GREM2: variants seen among roughly 807,000 people sequenced by gnomAD.
GREM2 encodes the protein gremlin-2.
In GREM2, 11 loss-of-function variants were observed where a neutral mutation model predicts 14.2. That is an observed-to-expected ratio of 0.78 (90% CI 0.49 to 1.28). The LOEUF (loss-of-function observed/expected upper bound fraction) is 1.28. Ranked by LOEUF, GREM2 falls within the 50% of genes most tolerant of loss-of-function variation. The pLI, the probability that GREM2 is intolerant of heterozygous loss-of-function variation, is 0.00. For missense variants in GREM2, 210 were observed against 218.5 expected (o/e 0.96, Z 0.24); for synonymous variants, 98 against 97.6 (o/e 1.00, Z -0.02).
In GREM2 at chr1:240,537,717, G is replaced by A. The variant is rs187917638; in HGVS notation, c.-1-44241C>T. Among the ~76,000 whole-genome samples, 874 of 152,206 alleles carry A rather than the reference G, an allele frequency of 5.7e-3. 3 individuals carry two copies. The highest frequency in any genetic ancestry group is 9.4e-3 in the Non-Finnish European group (639 of 68,006). On this transcript the variant is annotated intron_variant, in intron 1 of 1. Transcript: ENST00000318160. ...GGAGAATCACTTGAATCCAGGAGGC[G>A]GAGGTTGCAGTGAGCCGAGATGGCG...
At chr1:240,546,302 G>A (rs1386733539) in intron 1 of GREM2, among the ~76,000 whole-genome samples, 2 of 151,458 alleles carry the variant, frequency 1.3e-5, no homozygotes, top group Non-Finnish European at 2.9e-5. Context: ...TCGCGCTACT[G>A]CACTCCAGCC....
intron 1 of GREM2, among the ~76,000 whole-genome samples, chr1:240,551,982 A>G (rs1005810605): frequency 3.3e-5 from 5 of 152,306 alleles, no homozygotes; most frequent in African/African-American, 1.2e-4. Context: ...ATTTTAGTGA[A>G]TAGCCCAGGA....
chr1:240,604,518 T>C (rs1679990303), intron 1 of GREM2, among the ~76,000 whole-genome samples: 1 of 152,186 alleles, frequency 6.6e-6, no homozygotes, highest in Non-Finnish European at 1.5e-5. Context: ...TTTCTATTGG[T>C]GACAAAGCTG....
chr1:240,566,766 C>T (rs1407778456), intron 1 of GREM2, among the ~76,000 whole-genome samples: 3 of 152,092 alleles, frequency 2.0e-5, no homozygotes, highest in Non-Finnish European at 4.4e-5. Flanking sequence ...ATATCCAGTA[C>T]CCAGCAGGGT....
intron 1 of GREM2, chr1:240,530,692 T>C (rs1678336347): frequency 6.6e-6 from 1 of 152,184 alleles, no homozygotes; most frequent in Non-Finnish European, 1.5e-5. Context: ...AGATCAATGG[T>C]CCATAAGGCG....
chr1:240,537,248 G>A (rs542587079), intron 1 of GREM2, among the ~76,000 whole-genome samples: 1 of 152,282 alleles, frequency 6.6e-6, no homozygotes, highest in East Asian at 1.9e-4. Context: ...TGTAAAAGTA[G>A]AGGAAGGAAA....
At chr1:240,495,686 C>T (rs985454512) in intron 1 of GREM2, among the ~76,000 whole-genome samples, 2 of 152,140 alleles carry the variant, frequency 1.3e-5, no homozygotes, top group Admixed American at 6.5e-5. Context: ...CCAGGCATCC[C>T]GGCTCCAGAA....
chr1:240,525,680 T>C (rs1678204968), intron 1 of GREM2, among the ~76,000 whole-genome samples: 1 of 152,118 alleles, frequency 6.6e-6, no homozygotes, highest in Non-Finnish European at 1.5e-5. Flanking sequence ...GGTTTCACCA[T>C]GTTGGCCAGG....
In GREM2 at chr1:240,490,689, C is replaced by T. The variant is rs1204952852; in HGVS notation, c.*2280G>A. On this transcript the variant is annotated 3_prime_UTR_variant, in exon 2 of 2. Transcript: ENST00000318160. Reference sequence around the variant, plus strand: ...ACACTGCAGCATATCATATTGCTTTCATTGCTACACCCACAATTGGGTTCG... The same window carrying T: ...ACACTGCAGCATATCATATTGCTTTTATTGCTACACCCACAATTGGGTTCG... The T allele has an allele frequency of 1.3e-5, 2 of 152,350 alleles. No homozygotes were observed. The highest frequency in any genetic ancestry group is 1.3e-4 in the Admixed American group (2 of 15,278). 9.4% of individuals were successfully genotyped at this position (152,350 alleles called of 1,614,324 possible).
intron 1 of GREM2, among the ~76,000 whole-genome samples, chr1:240,503,585 C>A (rs553744023): frequency 3.3e-5 from 5 of 152,320 alleles, no homozygotes; most frequent in Non-Finnish European, 7.3e-5. Flanking sequence ...CCTGTCCCAT[C>A]AGATAGTATC....
chr1:240,585,043 T>C (rs529590567), intron 1 of GREM2, among the ~76,000 whole-genome samples: 1 of 152,306 alleles, frequency 6.6e-6, no homozygotes, highest in African/African-American at 2.4e-5. Context: ...ATGAAGCTCT[T>C]GGTCCCAGTC....
At chr1:240,578,655 G>A (rs1679419151) in intron 1 of GREM2, among the ~76,000 whole-genome samples, 1 of 151,872 alleles carries the variant, frequency 6.6e-6, no homozygotes, top group African/African-American at 2.4e-5. Flanking sequence ...TGTGTTGGCA[G>A]GCACCTGTAA....
At chr1:240,585,773 A>G (rs1388412797) in intron 1 of GREM2, among the ~76,000 whole-genome samples, 1 of 150,740 alleles carries the variant, frequency 6.6e-6, no homozygotes, top group Non-Finnish European at 1.5e-5. Context: ...GAAAGTTCCA[A>G]CCAGGTGGAG....
At chr1:240,567,273 A>G (rs1030307971) in intron 1 of GREM2, among the ~76,000 whole-genome samples, 1 of 152,164 alleles carries the variant, frequency 6.6e-6, no homozygotes, top group African/African-American at 2.4e-5. Flanking sequence ...AGAATAATTG[A>G]AAAAACAATA....
intron 1 of GREM2, among the ~76,000 whole-genome samples, chr1:240,600,998 A>G (rs894109455): frequency 3.3e-5 from 5 of 152,214 alleles, no homozygotes; most frequent in African/African-American, 1.2e-4. Context: ...CAAATATTTC[A>G]ATTTGTTTAT....
At chr1:240,599,738 G>A (rs1394835099) in intron 1 of GREM2, among the ~76,000 whole-genome samples, 1 of 152,144 alleles carries the variant, frequency 6.6e-6, no homozygotes, top group Non-Finnish European at 1.5e-5. Context: ...TGAAAACCTG[G>A]GAAGGGTAGT....
chr1:240,556,787 A>C (rs1558161580), intron 1 of GREM2, among the ~76,000 whole-genome samples: 1 of 152,216 alleles, frequency 6.6e-6, no homozygotes, highest in Non-Finnish European at 1.5e-5. Context: ...TCCACAAACT[A>C]AAAACAAAAT....
At chr1:240,546,363 A>G (rs941144667) in intron 1 of GREM2, among the ~76,000 whole-genome samples, 13 of 151,930 alleles carry the variant, frequency 8.6e-5, no homozygotes, top group African/African-American at 3.1e-4. Flanking sequence ...AAACAAAGAA[A>G]GAAAATTTTG....
intron 1 of GREM2, among the ~76,000 whole-genome samples, chr1:240,608,447 C>T (rs1051935940): frequency 1.2e-4 from 18 of 152,174 alleles, no homozygotes; most frequent in Admixed American, 2.6e-4. Context: ...AATGCATTAT[C>T]CAGGGTTCGT....
Sources: allele counts gnomAD v4.1 joint callset (sites outside exome capture counted in the v4.1 genomes callset), GRCh38; gene constraint gnomAD v4.1.1; transcripts MANE v1.5; gene names NCBI Gene and HGNC (gene_info 2026-07-23, HGNC 2026-07-21).